Variants in RNF135 observed in about 807,000 individuals in gnomAD.
RNF135 encodes ring finger protein 135, also known as E3 ubiquitin-protein ligase RNF135.
RNF135 carries 46 observed loss-of-function variants against 41.9 expected under a neutral mutation model. That is an observed-to-expected ratio of 1.10 (90% confidence interval 0.87 to 1.40). The LOEUF (loss-of-function observed/expected upper bound fraction) is 1.40, where lower values mean the gene tolerates loss of function less well. RNF135 is among the 40% of genes most tolerant of loss of function. The probability of loss-of-function intolerance (pLI) is 0.00; values close to 1 mark genes in which losing one functional copy is unlikely to be tolerated. For missense variants in RNF135, 539 were observed against 549.8 expected, an observed-to-expected ratio of 0.98 and a Z score of 0.20; for synonymous variants, 238 against 223.8, an observed-to-expected ratio of 1.06 and a Z score of -0.57.
chr17:30,971,170 A>G lies in RNF135; in HGVS notation c.97A>G (p.Thr33Ala). The stretch of plus-strand genomic sequence containing the variant: ...CCAGGGGCTGCTGGACTGGCCCGCC[A>G]CGCTGCCCTGCGGCCACAGCTTCTG... ...ICQGLLDWPA[T>A]LPCGHSFCRH... Residue 33 changes from threonine to alanine, a missense_variant, in exon 1 of 5, where the codon ACG becomes GCG. Thr to Ala is a moderately conservative substitution (Grantham distance 58, BLOSUM62 0). Coordinates refer to ENST00000328381, the MANE Select transcript of RNF135 (RefSeq NM_032322.4). The G allele has an allele frequency of 6.5e-7, 1 of 1,529,958 alleles. No homozygotes were observed. Among genetic ancestry groups the G allele is most frequent in the Non-Finnish European group, 8.7e-7 (1 of 1,144,530 alleles). 94.8% of individuals were successfully genotyped at this position (1,529,958 alleles called of 1,614,324 possible). A position where few individuals can be genotyped will look rare whatever the true frequency, so the allele number is the denominator to read the frequency against.
chr17:30,993,694 G>A (rs1248607159), intron 3 of RNF135: 17 of 635,242 alleles, frequency 2.7e-5, no homozygotes, highest in Non-Finnish European at 3.7e-5. Context: ...AAGTATTAGG[G>A]AGTGTTAATT....
At chr17:30,970,950 G>C (rs1216818419), upstream of RNF135, 7 of 1,357,832 alleles carry the variant, frequency 5.2e-6, no homozygotes, top group Non-Finnish European at 7.0e-6. Context: ...GTGGCGCCAA[G>C]GAAGGAGGAG....
rs1906437202 is a variant in RNF135, at chr17:30,976,114, T to C, written c.372+4669T>C. Among the ~76,000 whole-genome samples, 3 of 152,222 alleles carry C rather than the reference T, an allele frequency of 2.0e-5. No homozygotes were observed. The South Asian group carries it at 6.2e-4, about 31-fold the overall frequency. ...TCCGCCTCCCTGGTTCAAGTGATTC[T>C]CCTGCCTCAGTCTTCCCAGCAGCTG... On this transcript the variant is annotated intron_variant, in intron 1 of 4. Transcript: ENST00000328381.
upstream of RNF135, chr17:30,970,718 AT>A (rs957764470): frequency 2.9e-3 from 866 of 301,902 alleles, no homozygotes; most frequent in East Asian, 5.4e-3. Flanking sequence ...TTTGTTGTTT[AT>A]TTTTTTTTAA....
chr17:30,968,160 C>T (rs538847666), upstream of RNF135, among the ~76,000 whole-genome samples: 3 of 151,196 alleles, frequency 2.0e-5, no homozygotes, highest in East Asian at 4.1e-4. Flanking sequence ...TGGTGGCGAG[C>T]GCCTGTAATC....
intron 1 of RNF135, 176 bp downstream of exon 1, chr17:30,971,621 G>A (rs1598073560): frequency 1.5e-6 from 2 of 1,354,306 alleles, no homozygotes; most frequent in African/African-American, 1.5e-5. Context: ...AAAGTATGAA[G>A]AAGTAGAAAA....
At chr17:30,979,295 C>T (rs1157480355) in intron 1 of RNF135, 1 of 137,370 alleles carries the variant, frequency 7.3e-6, no homozygotes, top group South Asian at 2.2e-4. Flanking sequence ...GGGCTCCTCA[C>T]TTCCCAGTAG....
intron 1 of RNF135, among the ~76,000 whole-genome samples, chr17:30,982,947 C>T (rs1305747499): frequency 1.3e-5 from 2 of 152,190 alleles, no homozygotes; most frequent in Non-Finnish European, 2.9e-5. Context: ...CTCTGGCAAC[C>T]ATCATTCTAA....
chr17:30,971,320 G>C lies in RNF135; in HGVS notation c.247G>C (p.Asp83His), dbSNP rs1905904734. 1 of 1,533,780 alleles carries C rather than the reference G, an allele frequency of 6.5e-7. No homozygotes were observed. Among genetic ancestry groups the C allele is most frequent in the Non-Finnish European group, 8.7e-7 (1 of 1,143,588 alleles). Residue 83 changes from aspartate to histidine, a missense_variant, in exon 1 of 5, where the codon GAC becomes CAC. Around this residue, in one of 2 missense-constraint regions of RNF135, gnomAD observed 277 missense variants for 212.8 expected, o/e 1.30. Coordinates refer to ENST00000328381, the MANE Select transcript of RNF135 (RefSeq NM_032322.4). ...RKNTLLQDLA[D>H]KYRRAAREIQ... The stretch of plus-strand genomic sequence containing the variant: ...GAACACGCTACTGCAGGACCTGGCC[G>C]ACAAGTACCGCCGCGCCGCACGCGA...
upstream of RNF135, among the ~76,000 whole-genome samples, chr17:30,966,794 C>T (rs962583862): frequency 1.1e-4 from 16 of 151,798 alleles, no homozygotes; most frequent in African/African-American, 3.4e-4. Context: ...TGTGAGCCAC[C>T]GCGCCCGACC....
At chr17:30,996,248 C>T (rs948398307) in intron 3 of RNF135, among the ~76,000 whole-genome samples, 1 of 151,328 alleles carries the variant, frequency 6.6e-6, no homozygotes, top group East Asian at 1.9e-4. Context: ...TGTCACCACA[C>T]GCAGCTAATT....
chr17:30,967,569 A>G (rs992698644), upstream of RNF135, among the ~76,000 whole-genome samples: 1 of 152,162 alleles, frequency 6.6e-6, no homozygotes, highest in Non-Finnish European at 1.5e-5. Context: ...ATACACATAC[A>G]TACTTTTGTT....
chr17:30,977,768 C>T (rs1447778361), intron 1 of RNF135, among the ~76,000 whole-genome samples: 1 of 152,152 alleles, frequency 6.6e-6, no homozygotes, highest in African/African-American at 2.4e-5. Flanking sequence ...GGGGTTTCAC[C>T]ATGTTGGCCA....
At chr17:30,997,397 A>G in intron 4 of RNF135, 66 bp downstream of exon 4, 6 of 1,336,718 alleles carry the variant, frequency 4.5e-6, no homozygotes, top group Non-Finnish European at 4.3e-6. Context: ...AGAATATCCT[A>G]CATCCATCTC....
At chr17:30,985,886 G>A (rs1342729701) in intron 2 of RNF135, among the ~76,000 whole-genome samples, 2 of 152,118 alleles carry the variant, frequency 1.3e-5, no homozygotes, top group African/African-American at 2.4e-5. Context: ...TACACTGGCC[G>A]CACAGTCGCT....
chr17:30,969,663 G>A (rs1024256696), upstream of RNF135, among the ~76,000 whole-genome samples: 3 of 152,130 alleles, frequency 2.0e-5, no homozygotes, highest in Non-Finnish European at 4.4e-5. Flanking sequence ...GGAAAGCACT[G>A]GAAACGTTGA....
chr17:30,997,181 G>GAGAC, intron 3 of RNF135, 61 bp from the exon 4 acceptor site: 1 of 1,267,214 alleles, frequency 7.9e-7, no homozygotes, highest in East Asian at 2.3e-5. Context: ...ATGATGTTTG[G>GAGAC]AGACCTTCAG....
intron 3 of RNF135, among the ~76,000 whole-genome samples, chr17:30,990,185 A>C (rs1256712391): frequency 6.6e-6 from 1 of 152,070 alleles, no homozygotes; most frequent in Non-Finnish European, 1.5e-5. Flanking sequence ...ATTTAAGATC[A>C]ATTTTTAAAT....
chr17:30,981,609 C>T (rs957579862), intron 1 of RNF135, among the ~76,000 whole-genome samples: 4 of 152,098 alleles, frequency 2.6e-5, no homozygotes, highest in African/African-American at 7.2e-5. Context: ...TCTTGATGCT[C>T]GTGGATGTTT....
Sources: allele counts gnomAD v4.1 joint callset (sites outside exome capture counted in the v4.1 genomes callset), GRCh38; gene constraint gnomAD v4.1.1; regional missense constraint gnomAD v4.1.1; transcripts MANE v1.5; gene names NCBI Gene and HGNC (gene_info 2026-07-23, HGNC 2026-07-21).